The following GK5 variants were observed in gnomAD, a reference collection of about 807,000 sequenced individuals.
GK5 encodes glycerol kinase 5.
GK5 carries 39 observed loss-of-function variants against 77.3 expected under a neutral mutation model. That is an observed-to-expected ratio of 0.50 (90% CI 0.39 to 0.66). The LOEUF (loss-of-function observed/expected upper bound fraction) is 0.66. GK5 is among the 30% of genes least tolerant of loss of function. The pLI is 0.00. For missense variants in GK5, 487 were observed against 633.8 expected (o/e 0.77, Z 2.49); for synonymous variants, 211 against 208.0 (o/e 1.01, Z -0.13).
chr3:142,223,293 C>A (rs2064379508), intron 1 of GK5, among the ~76,000 whole-genome samples: 2 of 151,954 alleles, frequency 1.3e-5, no homozygotes, highest in Non-Finnish European at 1.5e-5. Context: ...CAAAAACAAA[C>A]AAAAAAACAG....
Position 142,165,544 on chromosome 3 carries a change from A to T in GK5, c.*78T>A, listed in dbSNP as rs1374297180. On this transcript the variant is annotated 3_prime_UTR_variant, in exon 16 of 16. Transcript: ENST00000392993. Reference sequence around the variant, plus strand: ...ATTTTCTCCTCTTAGTCATTGTCATATGGGTTATCCCTGAGCTTCATCTCA... The same window carrying T: ...ATTTTCTCCTCTTAGTCATTGTCATTTGGGTTATCCCTGAGCTTCATCTCA... 1.9e-6 allele frequency: 2 copies of T among 1,053,246 alleles called. No individual in the cohort carries two copies. The highest frequency in any genetic ancestry group is 2.7e-6 in the Non-Finnish European group (2 of 754,328). 65.2% of individuals were successfully genotyped at this position (1,053,246 alleles called of 1,614,324 possible). A position where few individuals can be genotyped will look rare whatever the true frequency, so the allele number is the denominator to read the frequency against.
intron 9 of GK5, 135 bp from the exon 10 acceptor site, chr3:142,183,184 A>C (rs2063720648): frequency 1.3e-6 from 1 of 766,692 alleles, no homozygotes; most frequent in Non-Finnish European, 2.0e-6. Flanking sequence ...ATTAAAAAAA[A>C]AAATCCCAAA....
intron 5 of GK5, among the ~76,000 whole-genome samples, chr3:142,189,060 A>T (rs2063813435): frequency 1.3e-5 from 2 of 152,264 alleles, no homozygotes; most frequent in South Asian, 4.2e-4. Flanking sequence ...CTTCTAACTC[A>T]GTCTGTAGCA....
chr3:142,165,452 T>TA lies in GK5; in HGVS notation c.*169dup, dbSNP rs1354325406. The TA allele has an allele frequency of 6.3e-6, 3 of 474,310 alleles. No individual in the cohort carries two copies. Among genetic ancestry groups the TA allele is most frequent in the South Asian group, 5.4e-5 (1 of 18,544 alleles). The allele number at this position is 474,310 out of a possible 1,614,324, so 29.4% of individuals were successfully genotyped here. A position where few individuals can be genotyped will look rare whatever the true frequency, so the allele number is the denominator to read the frequency against. ...CTTACCATGGTTTAGGGGAAAAAAATAAGAGTTTTTTGTTCCGTTTTGTTT... is the reference window on the plus strand; with the variant it reads ...CTTACCATGGTTTAGGGGAAAAAAATAAAGAGTTTTTTGTTCCGTTTTGTTT... On this transcript the variant is annotated 3_prime_UTR_variant, in exon 16 of 16. Coordinates refer to ENST00000392993, the MANE Select transcript of GK5 (RefSeq NM_001039547.3).
chr3:142,173,199 TA>T (rs542376454), intron 12 of GK5: 72,168 of 366,890 alleles, frequency 0.2, 1,314 homozygotes, highest in African/African-American at 0.25. Flanking sequence ...AGACAGGGTC[TA>T]AAAAAAAAAA....
chr3:142,187,042 C>T (rs569551893), intron 6 of GK5, among the ~76,000 whole-genome samples: 132 of 152,170 alleles, frequency 8.7e-4, no homozygotes, highest in African/African-American at 3.0e-3. Flanking sequence ...TTTACGATCC[C>T]CCAGTTTAAA....
At chr3:142,212,603 C>T (rs1016534305) in intron 3 of GK5, among the ~76,000 whole-genome samples, 7 of 152,038 alleles carry the variant, frequency 4.6e-5, no homozygotes, top group Non-Finnish European at 7.4e-5. Context: ...AAAGAACATA[C>T]GCTTCTGAGT....
Position 142,183,035 on chromosome 3 carries a change from TTGCTGGTCAGCAACC to T in GK5, c.817-1_830del. ...AGCAGCACTCTCCAAACATGGCTGA[TTGCTGGTCAGCAACC>T]TACCAAAAATGTTCAAATGTAAACC... On this transcript the variant is annotated splice_acceptor_variant and coding_sequence_variant, in exon 10 of 16. Coordinates refer to ENST00000392993, the MANE Select transcript of GK5 (RefSeq NM_001039547.3). LOFTEE classifies it high-confidence loss of function. The T allele has an allele frequency of 6.2e-7, 1 of 1,613,944 alleles. No homozygotes were observed. The highest frequency in any genetic ancestry group is 1.1e-5 in the South Asian group (1 of 91,032).
chr3:142,175,770 T>A (rs1351200700), intron 12 of GK5, among the ~76,000 whole-genome samples: 1 of 151,488 alleles, frequency 6.6e-6, no homozygotes, highest in Admixed American at 6.6e-5. Flanking sequence ...AAATTAAAAA[T>A]CAAACCTGAG....
chr3:142,187,446 A>G (rs2063788068), intron 6 of GK5, among the ~76,000 whole-genome samples: 1 of 152,060 alleles, frequency 6.6e-6, no homozygotes, highest in African/African-American at 2.4e-5. Context: ...TCTACTAAAA[A>G]TACAAAAAAT....
intron 1 of GK5, among the ~76,000 whole-genome samples, chr3:142,218,521 AC>A (rs977299857): frequency 3.5e-4 from 52 of 150,252 alleles, no homozygotes; most frequent in African/African-American, 8.8e-4. Flanking sequence ...AGCCTGGGCG[AC>A]AGAGCAAGGC....
At position 142,159,135 on chromosome 3, in the gene GK5, T is replaced by C. The variant is rs1418406381; in HGVS notation, c.*6487A>G. On this transcript the variant is annotated 3_prime_UTR_variant, in exon 16 of 16. Coordinates refer to ENST00000392993, the MANE Select transcript of GK5 (RefSeq NM_001039547.3). ...GGCTCAAGTGATCCTCCTGCCTCAA[T>C]TGGCAAATGGGCAAAAGATATGAAC... 7.2e-5 allele frequency: 11 copies of C among 152,144 alleles called. No individual in the cohort carries two copies. The highest frequency in any genetic ancestry group is 2.2e-4 in the African/African-American group (9 of 41,432). 9.4% of individuals were successfully genotyped at this position (152,144 alleles called of 1,614,324 possible). A position where few individuals can be genotyped will look rare whatever the true frequency, so the allele number is the denominator to read the frequency against.
chr3:142,172,029 A>C (rs2063545932), intron 13 of GK5, among the ~76,000 whole-genome samples: 1 of 152,182 alleles, frequency 6.6e-6, no homozygotes, highest in South Asian at 2.1e-4. Context: ...TATTACTTGG[A>C]ATTATCTTTC....
chr3:142,173,640 C>T (rs998747632), intron 12 of GK5, among the ~76,000 whole-genome samples: 7 of 152,134 alleles, frequency 4.6e-5, no homozygotes, highest in South Asian at 2.1e-4. Flanking sequence ...GCGGAGATGG[C>T]GCCACTGCAC....
At chr3:142,188,257 C>G (rs1347802374) in intron 5 of GK5, among the ~76,000 whole-genome samples, 2 of 151,916 alleles carry the variant, frequency 1.3e-5, no homozygotes, top group Non-Finnish European at 2.9e-5. Flanking sequence ...AATGGCCAGG[C>G]ACGGTGGCTC....
intron 9 of GK5, chr3:142,184,617 C>T (rs2063743130): frequency 6.6e-6 from 1 of 152,584 alleles, no homozygotes; most frequent in African/African-American, 2.4e-5. Context: ...CTTTGGGAGA[C>T]CTGAGGTCAG....
chr3:142,216,631 G>A (rs778357639), intron 1 of GK5, among the ~76,000 whole-genome samples: 6 of 152,112 alleles, frequency 3.9e-5, no homozygotes, highest in Non-Finnish European at 1.5e-5. Context: ...ACCACCAGGG[G>A]AGGTTCAGGG....
At chr3:142,199,004 T>G (rs1452685308) in intron 4 of GK5, 71 bp from the exon 5 acceptor site, 15 of 1,132,228 alleles carry the variant, frequency 1.3e-5, no homozygotes, top group Non-Finnish European at 1.9e-5. Flanking sequence ...CAATTCTATA[T>G]ACATGCAAAC....
chr3:142,188,295 G>T (rs558304490), intron 5 of GK5, among the ~76,000 whole-genome samples: 5 of 152,108 alleles, frequency 3.3e-5, no homozygotes, highest in Non-Finnish European at 7.4e-5. Context: ...ACTTTGGGAG[G>T]CCGAGGCGGG....
Sources: gnomAD v4.1 joint callset for allele counts (sites outside exome capture counted in the v4.1 genomes callset) on GRCh38, gnomAD v4.1.1 for gene constraint, MANE v1.5 for transcripts, NCBI Gene and HGNC (gene_info 2026-07-23, HGNC 2026-07-21) for gene names.